The following ACCSL variants were observed in gnomAD, a reference collection of about 807,000 sequenced individuals.
The protein encoded by ACCSL is 1-aminocyclopropane-1-carboxylate synthase homolog (inactive) like, also known as probable inactive 1-aminocyclopropane-1-carboxylate synthase-like protein 2.
In ACCSL, 55 loss-of-function variants were observed where a neutral mutation model predicts 61.7. The ratio of observed to expected loss-of-function variants is 0.89; its 90% CI spans 0.72 to 1.12. The LOEUF (loss-of-function observed/expected upper bound fraction) is 1.12, where lower values mean the gene tolerates loss of function less well. Ranked by LOEUF, ACCSL falls within the 50% of genes most tolerant of loss-of-function variation. The pLI is 0.00. For synonymous variants in ACCSL, 258 were observed against 264.3 expected (o/e 0.98, Z 0.23); for missense variants, 632 against 698.0 (o/e 0.91, Z 1.07).
chr11:43,961,088 T>C, the ACCSL span, among the ~76,000 whole-genome samples: 9 of 152,230 alleles, frequency 5.9e-5, no homozygotes, highest in Non-Finnish European at 7.3e-5. Context: ...TCCAAAGCGC[T>C]GGGATTACAG....
the ACCSL span, among the ~76,000 whole-genome samples, chr11:43,969,437 G>A: frequency 0.013 from 1,911 of 152,262 alleles, 18 homozygotes; most frequent in South Asian, 0.042. Flanking sequence ...AATAATAACA[G>A]AGGTTATCTC....
chr11:44,002,612 G>C, the ACCSL span, among the ~76,000 whole-genome samples: 1 of 152,292 alleles, frequency 6.6e-6, no homozygotes, highest in Admixed American at 6.5e-5. Context: ...TAGCTGGGGA[G>C]ATACCAGCTT....
At chr11:44,005,439 C>A in the ACCSL span, among the ~76,000 whole-genome samples, 1 of 152,056 alleles carries the variant, frequency 6.6e-6, no homozygotes, top group African/African-American at 2.4e-5. Context: ...GGGAGGGGAG[C>A]ACTGAGGGCA....
the ACCSL span, among the ~76,000 whole-genome samples, chr11:43,972,383 A>G: frequency 1.3e-5 from 2 of 152,338 alleles, no homozygotes; most frequent in East Asian, 3.9e-4. Flanking sequence ...CTGGAAACCC[A>G]TGAAAGGGGA....
chr11:43,994,078 A>G, the ACCSL span, among the ~76,000 whole-genome samples: 2 of 152,346 alleles, frequency 1.3e-5, no homozygotes, highest in Admixed American at 1.3e-4. Context: ...TGGGAAACAC[A>G]CTTTGAAAAC....
the ACCSL span, among the ~76,000 whole-genome samples, chr11:43,976,808 A>T: frequency 6.6e-6 from 1 of 152,382 alleles, no homozygotes; most frequent in East Asian, 1.9e-4. Flanking sequence ...CTGGGAACAG[A>T]GGGCTAGTGT....
chr11:44,016,740 A>G, the ACCSL span, among the ~76,000 whole-genome samples: 6 of 152,108 alleles, frequency 3.9e-5, no homozygotes, highest in Admixed American at 1.3e-4. Context: ...TGTGGACTCC[A>G]TAGGCAAAGC....
chr11:43,989,729 TC>T, the ACCSL span, among the ~76,000 whole-genome samples: 1 of 152,236 alleles, frequency 6.6e-6, no homozygotes. Context: ...CAGTGAGCTG[TC>T]CCACCACATC....
chr11:43,924,758 C>T, the ACCSL span, among the ~76,000 whole-genome samples: 8 of 152,218 alleles, frequency 5.3e-5, no homozygotes, highest in South Asian at 8.3e-4. Flanking sequence ...GCCACCAGTC[C>T]GCACTTGGAG....
intron 9 of ACCSL, 87 bp from the exon 10 acceptor site, chr11:44,055,953 C>T: frequency 6.6e-7 from 1 of 1,516,862 alleles, no homozygotes; most frequent in Non-Finnish European, 9.1e-7. Flanking sequence ...CTAGGACCAA[C>T]CTCAAATCTA....
chr11:43,961,603 G>A, the ACCSL span, among the ~76,000 whole-genome samples: 1 of 152,082 alleles, frequency 6.6e-6, no homozygotes, highest in Admixed American at 6.5e-5. Context: ...CCACAGAGGT[G>A]GACTGAACAT....
At chr11:43,992,027 C>G in the ACCSL span, among the ~76,000 whole-genome samples, 1 of 148,820 alleles carries the variant, frequency 6.7e-6, no homozygotes, top group Non-Finnish European at 1.5e-5. Context: ...TCTTTTTTTC[C>G]TTTTTCTTTT....
the ACCSL span, among the ~76,000 whole-genome samples, chr11:43,978,003 CTTT>C: frequency 1.0e-5 from 1 of 97,658 alleles, no homozygotes; most frequent in Non-Finnish European, 1.9e-5. Flanking sequence ...CTAGGAAGCT[CTTT>C]TTTTTTTTTT....
At position 44,048,449 on chromosome 11, in the gene ACCSL, G is replaced by T. The variant is rs376209867; in HGVS notation, c.413G>T (p.Arg138Leu). Residue 138 changes from arginine (R) to leucine (L), a missense_variant, in exon 1 of 14, where the codon CGT (arginine) becomes CTT (leucine). Physicochemically the swap from Arg to Leu is moderately radical, Grantham distance 102. Transcript: ENST00000378832. Reference sequence around the variant, plus strand: ...TTTGTCAACCGCGACCTATCCATCCGTGGGATTGACATCTCTGTCTTTTAT... The same window carrying T: ...TTTGTCAACCGCGACCTATCCATCCTTGGGATTGACATCTCTGTCTTTTAT... ...AAFVNRDLSI[R>L]GIDISVFYQS... 1 of 1,613,368 alleles carries T rather than the reference G, an allele frequency of 6.2e-7. No homozygotes were observed. The highest frequency in any genetic ancestry group is 1.7e-5 in the Admixed American group (1 of 59,882).
the ACCSL span, among the ~76,000 whole-genome samples, chr11:43,938,479 A>G: frequency 1.3e-5 from 2 of 152,192 alleles, no homozygotes; most frequent in Non-Finnish European, 2.9e-5. Context: ...TATGAAGTCT[A>G]TCTTCCATAC....
chr11:44,040,246 T>C, the ACCSL span, among the ~76,000 whole-genome samples: 1 of 152,182 alleles, frequency 6.6e-6, no homozygotes, highest in Non-Finnish European at 1.5e-5. Context: ...TTCTCAGTAG[T>C]TTGTAAGTAT....
the ACCSL span, among the ~76,000 whole-genome samples, chr11:43,980,616 T>G: frequency 6.6e-6 from 1 of 152,228 alleles, no homozygotes. Context: ...AGTTTTGTCT[T>G]TTTCTTAATA....
chr11:43,928,501 G>A, the ACCSL span, among the ~76,000 whole-genome samples: 1 of 152,190 alleles, frequency 6.6e-6, no homozygotes, highest in Non-Finnish European at 1.5e-5. Context: ...CAAGGCCTCA[G>A]GGTACCCCAT....
At chr11:43,940,769 C>T in the ACCSL span, among the ~76,000 whole-genome samples, 11 of 151,854 alleles carry the variant, frequency 7.2e-5, no homozygotes, top group East Asian at 1.9e-4. Flanking sequence ...GTTTGTTCTT[C>T]GAATACACCA....
Sources: allele counts gnomAD v4.1 joint callset (sites outside exome capture counted in the v4.1 genomes callset), GRCh38; gene constraint gnomAD v4.1.1; transcripts MANE v1.5; gene names NCBI Gene and HGNC (gene_info 2026-07-23, HGNC 2026-07-21).